The following PCED1B variants were observed in gnomAD, a reference collection of about 807,000 sequenced individuals.
PCED1B encodes PC-esterase domain containing 1B.
For synonymous variants in PCED1B, 251 were observed against 246.1 expected, an observed-to-expected ratio of 1.02 and a Z score of -0.19; for missense variants, 573 against 573.9, an observed-to-expected ratio of 1.00 and a Z score of 0.02.
chr12:47,154,013 A>G (rs1056393028), intron 2 of PCED1B, among the ~76,000 whole-genome samples: 6 of 152,296 alleles, frequency 3.9e-5, no homozygotes, highest in African/African-American at 1.2e-4. Flanking sequence ...GCTATATTCC[A>G]CTATGTCACA....
intron 2 of PCED1B, among the ~76,000 whole-genome samples, chr12:47,161,063 C>A (rs971781734): frequency 3.9e-5 from 6 of 152,192 alleles, no homozygotes; most frequent in African/African-American, 1.4e-4. Flanking sequence ...GCAACAAAAG[C>A]CTTCACCAGA....
At chr12:47,162,661 G>A (rs192298707) in intron 2 of PCED1B, among the ~76,000 whole-genome samples, 146 of 152,302 alleles carry the variant, frequency 9.6e-4, no homozygotes, top group African/African-American at 3.4e-3. Context: ...GAAAGAGAGA[G>A]AGGAGGGAGA....
rs532507796 is a variant in PCED1B at position 47,167,153 on chromosome 12, T to C, written c.-525-49069T>C. On this transcript the variant is annotated intron_variant, in intron 2 of 3. Transcript: ENST00000546455. ...AAGGAGATATCTTTAAAGATGGAAA[T>C]GTTCTAAATTTTCTTTATTAAAGGA... Among the ~76,000 whole-genome samples, 3 of 152,344 alleles carry C rather than the reference T, an allele frequency of 2.0e-5. No individual in the cohort carries two copies. In the South Asian group the frequency reaches 6.2e-4, roughly 32 times the overall value.
intron 2 of PCED1B, among the ~76,000 whole-genome samples, chr12:47,166,943 A>G (rs1476999840): frequency 1.3e-5 from 2 of 152,194 alleles, no homozygotes; most frequent in African/African-American, 4.8e-5. Context: ...TTCCTCAAGG[A>G]GGCAGCCAGA....
At chr12:47,089,866 C>T (rs908837914) in intron 1 of PCED1B, among the ~76,000 whole-genome samples, 2 of 151,942 alleles carry the variant, frequency 1.3e-5, no homozygotes, top group African/African-American at 2.4e-5. Flanking sequence ...CTCTGCCTCC[C>T]GGGTTCAAGT....
chr12:47,105,159 G>C (rs1207925148), intron 2 of PCED1B, among the ~76,000 whole-genome samples: 1 of 152,174 alleles, frequency 6.6e-6, no homozygotes, highest in African/African-American at 2.4e-5. Flanking sequence ...GCAGAGTTCA[G>C]GGAAAGCTCC....
chr12:47,176,172 A>T (rs76391995), intron 2 of PCED1B, among the ~76,000 whole-genome samples: 3,396 of 152,308 alleles, frequency 0.022, 96 homozygotes, highest in African/African-American at 0.064. Context: ...TGTGATTTAT[A>T]ATAAGGAATA....
In PCED1B at chr12:47,212,253, T is replaced by C. The variant is rs1016272340; in HGVS notation, c.-525-3969T>C. The stretch of plus-strand genomic sequence containing the variant: ...GAGATCATGCCACTGCACTCCAGCA[T>C]AGGTGACAGAGCAAGAGACTCTGTC... On this transcript the variant is annotated intron_variant, in intron 2 of 3. Transcript: ENST00000546455. Among the ~76,000 whole-genome samples, 6 of 152,146 alleles carry C rather than the reference T, an allele frequency of 3.9e-5. No individual in the cohort carries two copies. The East Asian group carries it at 1.2e-3, about 29-fold the overall frequency.
intron 2 of PCED1B, among the ~76,000 whole-genome samples, chr12:47,173,636 T>C (rs373293312): frequency 1.2e-4 from 18 of 152,240 alleles, no homozygotes; most frequent in African/African-American, 4.3e-4. Flanking sequence ...ATGTCTATGA[T>C]ATTTATAACG....
chr12:47,200,265 G>A (rs1192007200), intron 2 of PCED1B, among the ~76,000 whole-genome samples: 2 of 151,890 alleles, frequency 1.3e-5, no homozygotes, highest in African/African-American at 4.8e-5. Context: ...AACAACCCAA[G>A]TAAAAACACG....
chr12:47,089,689 CG>C (rs1276962935), intron 1 of PCED1B, among the ~76,000 whole-genome samples: 1 of 151,518 alleles, frequency 6.6e-6, no homozygotes, highest in Non-Finnish European at 1.5e-5. Flanking sequence ...AAGAGAGATA[CG>C]TTTGCCAATA....
At chr12:47,132,830 A>G (rs1333991558) in intron 2 of PCED1B, among the ~76,000 whole-genome samples, 5 of 152,220 alleles carry the variant, frequency 3.3e-5, no homozygotes, top group African/African-American at 4.8e-5. Flanking sequence ...ACCAAAATCT[A>G]ACTGGTACAA....
intron 1 of PCED1B, among the ~76,000 whole-genome samples, chr12:47,090,161 A>G (rs1416928255): frequency 6.6e-6 from 1 of 152,168 alleles, no homozygotes; most frequent in African/African-American, 2.4e-5. Flanking sequence ...ATCTCTCCCT[A>G]TTCCTTTATC....
chr12:47,206,360 T>A (rs1404865730), intron 2 of PCED1B: 1 of 152,228 alleles, frequency 6.6e-6, no homozygotes, highest in Non-Finnish European at 1.5e-5. Context: ...TCTCCCAAAG[T>A]TAGTTCAGCC....
At chr12:47,217,560 A>G (rs1943335281) in intron 3 of PCED1B, among the ~76,000 whole-genome samples, 1 of 151,804 alleles carries the variant, frequency 6.6e-6, no homozygotes, top group African/African-American at 2.4e-5. Context: ...AAGAAAGAAA[A>G]TAATTTCTTA....
intron 2 of PCED1B, among the ~76,000 whole-genome samples, chr12:47,127,369 C>CTTT (rs34788645): frequency 3.8e-4 from 49 of 128,868 alleles, no homozygotes; most frequent in African/African-American, 1.3e-3. Context: ...TTTTTTATTT[C>CTTT]TTTTTTTTTT....
At chr12:47,172,340 CTTTTTTT>C (rs34230051) in intron 2 of PCED1B, among the ~76,000 whole-genome samples, 1 of 78,338 alleles carries the variant, frequency 1.3e-5, no homozygotes, top group African/African-American at 4.8e-5. Flanking sequence ...TCGTGGGTTG[CTTTTTTT>C]TTTTTTTTTT....
At chr12:47,116,462 G>GT (rs1218827859) in intron 2 of PCED1B, among the ~76,000 whole-genome samples, 1 of 152,020 alleles carries the variant, frequency 6.6e-6, no homozygotes, top group African/African-American at 2.4e-5. Flanking sequence ...TTGGCATAGA[G>GT]TTTTTTTCTA....
At chr12:47,218,589 T>C (rs543087993) in intron 3 of PCED1B, among the ~76,000 whole-genome samples, 1 of 151,990 alleles carries the variant, frequency 6.6e-6, no homozygotes, top group Non-Finnish European at 1.5e-5. Context: ...GTGCAAGGTA[T>C]CCTTCCACCT....
Sources: allele counts gnomAD v4.1 joint callset (sites outside exome capture counted in the v4.1 genomes callset), GRCh38; gene constraint gnomAD v4.1.1; transcripts MANE v1.5; gene names NCBI Gene and HGNC (gene_info 2026-07-23, HGNC 2026-07-21).